The following ELF1 variants were observed in gnomAD, a reference collection of about 807,000 sequenced individuals.
ELF1 encodes the protein E74 like ETS transcription factor 1.
A neutral mutation model predicts 59.9 loss-of-function variants in ELF1; 24 were observed. The observed-to-expected ratio is 0.40, with a 90% CI of 0.29 to 0.56. The LOEUF (loss-of-function observed/expected upper bound fraction) is 0.56. Ranked by LOEUF, ELF1 falls within the 20% of genes least tolerant of loss-of-function variation. ELF1 has a pLI of 0.44. For synonymous variants in ELF1, 248 were observed against 266.2 expected, an observed-to-expected ratio of 0.93 and a Z score of 0.67; for missense variants, 627 against 742.2, an observed-to-expected ratio of 0.84 and a Z score of 1.80.
Position 40,942,748 on chromosome 13 carries a change from C to G in ELF1, c.806+204G>C, listed in dbSNP as rs1593350740. Among the ~76,000 whole-genome samples the G allele has an allele frequency of 3.9e-5, 6 of 152,136 alleles. No individual in the cohort carries two copies. The South Asian group carries it at 8.3e-4, about 21-fold the overall frequency. ...TGTTGCCCAGGCTGGTCTTAAACTC[C>G]TGGACTCAAGCAATCCACCGGCCTC... is the stretch of plus-strand genomic sequence containing the variant. On this transcript the variant is annotated intron_variant, in intron 7 of 8. Transcript: ENST00000239882.
At chr13:40,998,644 T>C (rs1195547411) in intron 1 of ELF1, among the ~76,000 whole-genome samples, 1 of 152,234 alleles carries the variant, frequency 6.6e-6, no homozygotes, top group Admixed American at 6.5e-5. Flanking sequence ...ATACCATTAA[T>C]AAGTAAAACA....
chr13:40,981,074 G>A (rs1344574201), intron 2 of ELF1, among the ~76,000 whole-genome samples: 1 of 151,680 alleles, frequency 6.6e-6, no homozygotes, highest in Non-Finnish European at 1.5e-5. Context: ...TTTATTATTT[G>A]TAGTAACTAT....
At chr13:40,957,619 C>T (rs570490212) in intron 3 of ELF1, among the ~76,000 whole-genome samples, 2 of 152,294 alleles carry the variant, frequency 1.3e-5, no homozygotes, top group Admixed American at 1.3e-4. Context: ...TCGCCTTCCA[C>T]CATGATTGTA....
intron 1 of ELF1, among the ~76,000 whole-genome samples, chr13:41,002,334 G>A (rs1375659577): frequency 6.6e-6 from 1 of 151,982 alleles, no homozygotes; most frequent in Non-Finnish European, 1.5e-5. Flanking sequence ...TATTTTAATA[G>A]TAGATGGCCT....
chr13:40,941,796 C>T (rs1001534724), intron 7 of ELF1, among the ~76,000 whole-genome samples: 9 of 152,058 alleles, frequency 5.9e-5, no homozygotes, highest in African/African-American at 2.2e-4. Context: ...TAGCTGGGAC[C>T]ACAGGCGCAT....
chr13:41,023,902 G>C (rs957747487), upstream of ELF1, among the ~76,000 whole-genome samples: 1 of 152,146 alleles, frequency 6.6e-6, no homozygotes. Flanking sequence ...TAGCATATCA[G>C]GATTTTCGTA....
intron 2 of ELF1, among the ~76,000 whole-genome samples, chr13:40,959,809 G>A (rs1215834355): frequency 6.6e-6 from 1 of 152,082 alleles, no homozygotes; most frequent in Admixed American, 6.5e-5. Context: ...AGAATGGAAA[G>A]GACCCATACA....
intron 1 of ELF1, among the ~76,000 whole-genome samples, chr13:41,028,321 A>G (rs1350548664): frequency 6.6e-6 from 1 of 152,152 alleles, no homozygotes; most frequent in Non-Finnish European, 1.5e-5. Flanking sequence ...AATACAGGAG[A>G]TCCCTTGGGG....
chr13:40,993,290 CA>C, intron 1 of ELF1: 1 of 1,565,078 alleles, frequency 6.4e-7, no homozygotes, highest in South Asian at 1.1e-5. Flanking sequence ...GCTTGAGACA[CA>C]GCAGGTGTTC....
At chr13:40,957,779 T>C (rs969342089) in intron 3 of ELF1, among the ~76,000 whole-genome samples, 2 of 152,194 alleles carry the variant, frequency 1.3e-5, no homozygotes, top group Non-Finnish European at 2.9e-5. Context: ...AACACAAAGA[T>C]GAGGTATTGA....
intron 2 of ELF1, among the ~76,000 whole-genome samples, chr13:40,970,298 T>G (rs531095690): frequency 6.6e-6 from 1 of 152,214 alleles, no homozygotes; most frequent in Admixed American, 6.5e-5. Context: ...CTAGGTTACT[T>G]TGAACAGTAA....
chr13:41,060,253 G>A (rs561446928), intron 1 of ELF1, among the ~76,000 whole-genome samples: 1 of 152,352 alleles, frequency 6.6e-6, no homozygotes, highest in Non-Finnish European at 1.5e-5. Context: ...ATACCCTGCG[G>A]CCAGAGAACC....
chr13:41,012,330 A>G (rs1436289996), intron 1 of ELF1, among the ~76,000 whole-genome samples: 2 of 150,732 alleles, frequency 1.3e-5, no homozygotes, highest in Non-Finnish European at 3.0e-5. Context: ...AAAAAAAAAA[A>G]AAAAAAGAGT....
intron 1 of ELF1, among the ~76,000 whole-genome samples, chr13:41,002,320 C>T (rs1289781248): frequency 2.6e-5 from 4 of 152,086 alleles, no homozygotes; most frequent in Admixed American, 2.6e-4. Flanking sequence ...ATTGTCTTTT[C>T]CTATATTTTA....
chr13:41,024,122 T>C (rs1875791448), upstream of ELF1, among the ~76,000 whole-genome samples: 1 of 152,220 alleles, frequency 6.6e-6, no homozygotes, highest in Non-Finnish European at 1.5e-5. Flanking sequence ...ATATTTTATC[T>C]CTCATAATTA....
intron 1 of ELF1, among the ~76,000 whole-genome samples, chr13:41,014,018 C>T (rs925931695): frequency 5.3e-5 from 8 of 152,186 alleles, no homozygotes; most frequent in Non-Finnish European, 1.0e-4. Context: ...GCATCTATCA[C>T]GTAGATACTG....
rs1443792011 is a variant in ELF1 at position 41,010,453 on chromosome 13, C to CA, written c.-229+8774_-229+8775insT. 1.1e-3 allele frequency among the ~76,000 whole-genome samples: 134 copies of CA among 120,440 alleles called. 1 individual carries two copies. Among genetic ancestry groups the CA allele is most frequent in the African/African-American group, 4.1e-3 (130 of 31,868 alleles). 79.0% of individuals were successfully genotyped at this position (120,440 alleles called of 152,430 possible). ...GCGAGAGGGCTACACCCCTATCTCC[C>CA]CCCCACCCCCCCAAAAAAATACATA... On this transcript the variant is annotated intron_variant, in intron 1 of 8. Coordinates refer to ENST00000239882, the MANE Select transcript of ELF1 (RefSeq NM_172373.4).
At chr13:41,057,369 G>T (rs1238403445) in intron 1 of ELF1, among the ~76,000 whole-genome samples, 3 of 151,310 alleles carry the variant, frequency 2.0e-5, no homozygotes, top group African/African-American at 7.3e-5. Context: ...TTGTTATGTT[G>T]TCCAGGCTCT....
chr13:41,026,164 T>C (rs1875896217), intron 1 of ELF1, among the ~76,000 whole-genome samples: 1 of 151,884 alleles, frequency 6.6e-6, no homozygotes, highest in Admixed American at 6.6e-5. Context: ...ATGTCAGAGG[T>C]TGGGAAATAA....
Sources: gnomAD v4.1 joint callset for allele counts (sites outside exome capture counted in the v4.1 genomes callset) on GRCh38, gnomAD v4.1.1 for gene constraint, MANE v1.5 for transcripts, NCBI Gene and HGNC (gene_info 2026-07-23, HGNC 2026-07-21) for gene names.